The following YAP1 variants were observed in gnomAD, a reference collection of about 807,000 sequenced individuals.
YAP1 encodes Yes1 associated transcriptional regulator.
A neutral mutation model predicts 56.9 loss-of-function variants in YAP1; 5 were observed. The observed-to-expected ratio is 0.09, with a 90% CI of 0.05 to 0.18. The LOEUF (loss-of-function observed/expected upper bound fraction) is 0.18. Ranked by LOEUF, YAP1 falls within the 10% of genes least tolerant of loss-of-function variation. The pLI is 1.00. For missense variants in YAP1, 539 were observed against 651.8 expected (o/e 0.83, Z 1.88); for synonymous variants, 265 against 248.1 (o/e 1.07, Z -0.64).
chr11:102,148,473 C>T (rs909129860), intron 2 of YAP1, among the ~76,000 whole-genome samples: 1 of 152,084 alleles, frequency 6.6e-6, no homozygotes, highest in African/African-American at 2.4e-5. Flanking sequence ...GTGGTTCACT[C>T]AGTTCAATAA....
At chr11:102,168,617 G>A (rs1341254637) in intron 3 of YAP1, among the ~76,000 whole-genome samples, 1 of 152,180 alleles carries the variant, frequency 6.6e-6, no homozygotes. Flanking sequence ...GATGGGTGGA[G>A]AAAATGCCCT....
rs527560857 is a variant in YAP1 at position 102,191,045 on chromosome 11, C to T, written c.802+4914C>T. 8.6e-5 allele frequency among the ~76,000 whole-genome samples: 13 copies of T among 151,884 alleles called. No homozygotes were observed. The South Asian group carries it at 2.5e-3, about 29-fold the overall frequency. Reference sequence around the variant, plus strand: ...AAAAATTAGCTGGGCTGGTGGCACGCACCTATAGTCCCAACTACTCAGGAG... The same window carrying T: ...AAAAATTAGCTGGGCTGGTGGCACGTACCTATAGTCCCAACTACTCAGGAG... On this transcript the variant is annotated intron_variant, in intron 4 of 8. Coordinates refer to ENST00000282441, the MANE Select transcript of YAP1 (RefSeq NM_001130145.3).
chr11:102,205,773 A>T lies in YAP1; in HGVS notation c.803-120A>T, dbSNP rs1949088026. The T allele has an allele frequency of 3.2e-6, 3 of 928,182 alleles. No homozygotes were observed. In the South Asian group the frequency reaches 7.8e-5, roughly 24 times the overall value. The allele number at this position is 928,182 out of a possible 1,614,324, so 57.5% of individuals were successfully genotyped here. A position where few individuals can be genotyped will look rare whatever the true frequency, so the allele number is the denominator to read the frequency against. ...ATTGATGGATTTTTAGGTTATTTCC[A>T]GTCTTCCTGCCCAAAAAAGTTACAT... On this transcript the variant is annotated intron_variant, in intron 4 of 8. Coordinates refer to ENST00000282441, the MANE Select transcript of YAP1 (RefSeq NM_001130145.3).
In YAP1 at chr11:102,133,298, A is replaced by G. The variant is rs113576804; in HGVS notation, c.572+18904A>G. Among the ~76,000 whole-genome samples the G allele has an allele frequency of 7.2e-3, 1,089 of 152,190 alleles. 11 individuals are homozygous for G. Among genetic ancestry groups the G allele is most frequent in the African/African-American group, 0.025 (1,045 of 41,550 alleles). ...TAATAAAACTCTTGTGGCACACAGA[A>G]TTTTTGGGTTTTTTTGGGACAGAGT... is the stretch of plus-strand genomic sequence containing the variant. On this transcript the variant is annotated intron_variant, in intron 2 of 8. Transcript: ENST00000282441.
intron 2 of YAP1, among the ~76,000 whole-genome samples, chr11:102,140,069 G>A (rs1944920210): frequency 6.6e-6 from 1 of 152,032 alleles, no homozygotes; most frequent in Non-Finnish European, 1.5e-5. Context: ...CTTCTAACCT[G>A]TGAATCTTAG....
chr11:102,170,976 A>G (rs902498733), intron 3 of YAP1, among the ~76,000 whole-genome samples: 2 of 152,068 alleles, frequency 1.3e-5, no homozygotes, highest in Non-Finnish European at 2.9e-5. Context: ...CAAAAAAAAA[A>G]AAAAGAAAAA....
chr11:102,215,684 G>T (rs2135659327), intron 6 of YAP1, among the ~76,000 whole-genome samples: 1 of 152,244 alleles, frequency 6.6e-6, no homozygotes, highest in Non-Finnish European at 1.5e-5. Context: ...TCACCATGTT[G>T]GTCAGGCTGG....
intron 1 of YAP1, chr11:102,112,607 G>A (rs1943023733): frequency 3.9e-5 from 38 of 984,984 alleles, no homozygotes; most frequent in Non-Finnish European, 4.3e-5. Flanking sequence ...CAGGCCTGTT[G>A]TATAGTCTCC....
intron 2 of YAP1, among the ~76,000 whole-genome samples, chr11:102,138,665 T>C (rs1944826529): frequency 6.6e-6 from 1 of 152,234 alleles, no homozygotes; most frequent in Non-Finnish European, 1.5e-5. Context: ...TCTCCCTCCC[T>C]GAGTTCAATT....
At chr11:102,228,419 G>A (rs753089558) in intron 8 of YAP1, among the ~76,000 whole-genome samples, 11 of 151,888 alleles carry the variant, frequency 7.2e-5, no homozygotes, top group Non-Finnish European at 1.5e-4. Context: ...CAGATCACGT[G>A]AGGTCATAAG....
intron 2 of YAP1, among the ~76,000 whole-genome samples, chr11:102,158,628 A>T (rs1053769531): frequency 6.6e-6 from 1 of 152,206 alleles, no homozygotes; most frequent in Non-Finnish European, 1.5e-5. Context: ...GAAGTTTCCA[A>T]ACCTTATCAC....
At chr11:102,152,050 A>G (rs1056920069) in intron 2 of YAP1, among the ~76,000 whole-genome samples, 1 of 152,196 alleles carries the variant, frequency 6.6e-6, no homozygotes, top group African/African-American at 2.4e-5. Context: ...TATTTTCCCC[A>G]TAACTTAAGA....
At chr11:102,174,225 A>G (rs1396099995) in intron 3 of YAP1, among the ~76,000 whole-genome samples, 1 of 152,180 alleles carries the variant, frequency 6.6e-6, no homozygotes, top group Admixed American at 6.5e-5. Context: ...CTAAATACAA[A>G]TGAGTGGTTC....
At chr11:102,186,336 C>T (rs779561335) in intron 4 of YAP1, 23 of 540,186 alleles carry the variant, frequency 4.3e-5, no homozygotes, top group African/African-American at 7.9e-5. Flanking sequence ...TTTTAGGGCT[C>T]CTCAGGTTGG....
At chr11:102,123,134 G>C (rs993554354) in intron 2 of YAP1, among the ~76,000 whole-genome samples, 4 of 152,040 alleles carry the variant, frequency 2.6e-5, no homozygotes, top group African/African-American at 9.6e-5. Context: ...TAATTGTTTT[G>C]TTAAATATTT....
chr11:102,216,385 C>T lies in YAP1; in HGVS notation c.1032+6821C>T, dbSNP rs149018281. 5.5e-3 allele frequency among the ~76,000 whole-genome samples: 835 copies of T among 151,756 alleles called. 6 individuals are homozygous for T. The highest frequency in any genetic ancestry group is 0.019 in the African/African-American group (795 of 41,362). ...GGGTAAGCATGAAGTCAAATTAATC[C>T]GAATGTTTAATCAAAAATATATTTT... On this transcript the variant is annotated intron_variant, in intron 6 of 8. Coordinates refer to ENST00000282441, the MANE Select transcript of YAP1 (RefSeq NM_001130145.3).
chr11:102,160,694 C>G (rs1946220027), intron 2 of YAP1, among the ~76,000 whole-genome samples: 1 of 272 alleles, frequency 3.7e-3, no homozygotes, highest in East Asian at 0.12. Flanking sequence ...TGCCACATAA[C>G]TGGAATTGGC....
chr11:102,157,449 G>A (rs1242397181), intron 2 of YAP1, among the ~76,000 whole-genome samples: 1 of 152,174 alleles, frequency 6.6e-6, no homozygotes, highest in Non-Finnish European at 1.5e-5. Flanking sequence ...GGCCTGATAA[G>A]TGAGCAGTAA....
intron 2 of YAP1, among the ~76,000 whole-genome samples, chr11:102,159,937 A>C (rs1430685330): frequency 6.6e-6 from 1 of 152,176 alleles, no homozygotes; most frequent in East Asian, 1.9e-4. Context: ...GAGTAGCGTC[A>C]AGAAATGTAT....
Sources: allele counts gnomAD v4.1 joint callset (sites outside exome capture counted in the v4.1 genomes callset), GRCh38; gene constraint gnomAD v4.1.1; transcripts MANE v1.5; gene names NCBI Gene and HGNC (gene_info 2026-07-23, HGNC 2026-07-21).